BMP6: variants seen among roughly 807,000 people sequenced by gnomAD.
The protein encoded by BMP6 is bone morphogenetic protein 6, also known as VG-1-R.
BMP6 carries 17 observed loss-of-function variants against 54.1 expected under a neutral mutation model. That is an observed-to-expected ratio of 0.31 (90% CI 0.22 to 0.47). The LOEUF is 0.47. Among genes scored for constraint, BMP6 ranks in the 20% least tolerant of loss-of-function variants. BMP6 has a pLI of 1.00. For missense variants in BMP6, 720 were observed against 690.4 expected (o/e 1.04, Z -0.48); for synonymous variants, 328 against 291.2 (o/e 1.13, Z -1.28).
chr6:7,813,666 AAAAC>A (rs745995514), intron 1 of BMP6, among the ~76,000 whole-genome samples: 28,323 of 108,200 alleles, frequency 0.26, 10,718 homozygotes, highest in Non-Finnish European at 0.33. Context: ...AAAAAAAAAA[AAAAC>A]CCACCAAACC....
At chr6:7,838,032 G>C (rs1758901151) in intron 1 of BMP6, among the ~76,000 whole-genome samples, 1 of 152,146 alleles carries the variant, frequency 6.6e-6, no homozygotes, top group Admixed American at 6.5e-5. Flanking sequence ...AGGCTCCCCA[G>C]CTTATTCCAA....
At chr6:7,766,921 G>A (rs1757700123) in intron 1 of BMP6, among the ~76,000 whole-genome samples, 3 of 151,342 alleles carry the variant, frequency 2.0e-5, no homozygotes, top group African/African-American at 7.3e-5. Context: ...AAATCAAATG[G>A]ATATGGAATA....
At chr6:7,800,912 A>AG (rs201191015) in intron 1 of BMP6, among the ~76,000 whole-genome samples, 4,657 of 38,200 alleles carry the variant, frequency 0.12, 259 homozygotes, top group African/African-American at 0.33. Context: ...AAGCGGGGGG[A>AG]GGGGGGGGCA....
At chr6:7,784,861 C>T (rs748261644) in intron 1 of BMP6, among the ~76,000 whole-genome samples, 8 of 152,266 alleles carry the variant, frequency 5.3e-5, no homozygotes, top group Non-Finnish European at 1.0e-4. Flanking sequence ...ACAGTCACCT[C>T]CTCCTTGCTG....
At chr6:7,824,521 C>G (rs1304530459) in intron 1 of BMP6, among the ~76,000 whole-genome samples, 1 of 152,132 alleles carries the variant, frequency 6.6e-6, no homozygotes, top group Admixed American at 6.5e-5. Flanking sequence ...GGAGGGGAAG[C>G]CCTAACTGAA....
chr6:7,728,300 C>G (rs1761785529), intron 1 of BMP6, among the ~76,000 whole-genome samples: 1 of 152,238 alleles, frequency 6.6e-6, no homozygotes, highest in African/African-American at 2.4e-5. Context: ...CTCACATGCC[C>G]TTGGCCATTG....
chr6:7,796,333 A>G (rs1051974254), intron 1 of BMP6, among the ~76,000 whole-genome samples: 1 of 152,256 alleles, frequency 6.6e-6, no homozygotes, highest in Admixed American at 6.5e-5. Flanking sequence ...GGCAGATTTT[A>G]TGAGGATGAA....
intron 1 of BMP6, among the ~76,000 whole-genome samples, chr6:7,836,484 T>C (rs1411829618): frequency 6.6e-6 from 1 of 152,192 alleles, no homozygotes; most frequent in Non-Finnish European, 1.5e-5. Context: ...GTGGGTGTGG[T>C]CTAGTAAATG....
intron 2 of BMP6, among the ~76,000 whole-genome samples, chr6:7,853,907 G>A (rs201793332): frequency 4.0e-5 from 6 of 148,270 alleles, no homozygotes; most frequent in Non-Finnish European, 1.5e-5. Flanking sequence ...TACTTGGGGA[G>A]AAAAAAAAAA....
At chr6:7,851,590 G>A (rs1759142985) in intron 2 of BMP6, among the ~76,000 whole-genome samples, 1 of 151,246 alleles carries the variant, frequency 6.6e-6, no homozygotes, top group Non-Finnish European at 1.5e-5. Flanking sequence ...GCTTTATTGT[G>A]CTGGCTGGGA....
At chr6:7,745,103 AC>A (rs1251534254) in intron 1 of BMP6, among the ~76,000 whole-genome samples, 1 of 152,144 alleles carries the variant, frequency 6.6e-6, no homozygotes, top group Non-Finnish European at 1.5e-5. Flanking sequence ...CAGAAATGGA[AC>A]TCTGTTCATT....
At chr6:7,864,632 C>G (rs538931302) in intron 4 of BMP6, among the ~76,000 whole-genome samples, 1 of 152,262 alleles carries the variant, frequency 6.6e-6, no homozygotes, top group South Asian at 2.1e-4. Context: ...ATTTTGTGTT[C>G]CGACTTAAAT....
chr6:7,836,181 T>A (rs1472737713), intron 1 of BMP6, among the ~76,000 whole-genome samples: 1 of 151,286 alleles, frequency 6.6e-6, no homozygotes, highest in Non-Finnish European at 1.5e-5. Context: ...TATTTGGGTA[T>A]GAAAATGGTT....
chr6:7,848,517 A>G (rs1297844683), intron 2 of BMP6, among the ~76,000 whole-genome samples: 1 of 152,036 alleles, frequency 6.6e-6, no homozygotes, highest in African/African-American at 2.4e-5. Context: ...TCAGTTCCCC[A>G]GCTCCCTGCC....
At chr6:7,860,213 G>A (rs1214973510) in intron 2 of BMP6, among the ~76,000 whole-genome samples, 1 of 152,208 alleles carries the variant, frequency 6.6e-6, no homozygotes, top group African/African-American at 2.4e-5. Context: ...TTTAGGATTG[G>A]TGTAAGGACC....
chr6:7,859,597 C>A (rs1378032853), intron 2 of BMP6, among the ~76,000 whole-genome samples: 1 of 152,162 alleles, frequency 6.6e-6, no homozygotes, highest in Non-Finnish European at 1.5e-5. Flanking sequence ...CCTTCCAGAA[C>A]AGAATTGATG....
rs1281618612 is a variant in BMP6 at position 7,856,609 on chromosome 6, T to TG, written c.858-4842_858-4841insG. Among the ~76,000 whole-genome samples the TG allele has an allele frequency of 1.6e-4, 19 of 119,370 alleles. 1 individual carries two copies. Among genetic ancestry groups the TG allele is most frequent in the African/African-American group, 4.4e-4 (13 of 29,722 alleles). 78.3% of individuals were successfully genotyped at this position (119,370 alleles called of 152,430 possible). ...TTATCAAGAGCATTTTTTTTTTTTT[T>TG]TTTTTGAGACGGAGTCTCGCTCTGT... On this transcript the variant is annotated intron_variant, in intron 2 of 6. Transcript: ENST00000283147.
chr6:7,733,067 A>ATT (rs11430719), intron 1 of BMP6, among the ~76,000 whole-genome samples: 166 of 149,608 alleles, frequency 1.1e-3, no homozygotes, highest in African/African-American at 3.3e-3. Context: ...CCTGGCTAAT[A>ATT]TTTTTTTTTT....
At chr6:7,761,332 T>G (rs967153127) in intron 1 of BMP6, among the ~76,000 whole-genome samples, 2 of 152,228 alleles carry the variant, frequency 1.3e-5, no homozygotes, top group African/African-American at 2.4e-5. Flanking sequence ...GTTATGATAG[T>G]AAGTTTTCCA....
Sources: gnomAD v4.1 joint callset for allele counts (sites outside exome capture counted in the v4.1 genomes callset) on GRCh38, gnomAD v4.1.1 for gene constraint, MANE v1.5 for transcripts, NCBI Gene and HGNC (gene_info 2026-07-23, HGNC 2026-07-21) for gene names.